Variants in DLG1 observed in about 807,000 individuals in gnomAD.
DLG1 encodes discs large MAGUK scaffold protein 1, also known as disks large homolog 1.
In DLG1, 42 loss-of-function variants were observed where a neutral mutation model predicts 123.4. The ratio of observed to expected loss-of-function variants is 0.34; its 90% CI spans 0.27 to 0.44. DLG1 has a LOEUF of 0.44. DLG1 is among the 20% of genes least tolerant of loss of function. The pLI, the probability that DLG1 is intolerant of heterozygous loss-of-function variation, is 1.00. For synonymous variants in DLG1, 317 were observed against 356.2 expected (o/e 0.89, Z 1.24); for missense variants, 942 against 1,082.6 (o/e 0.87, Z 1.82).
At chr3:197,197,138 T>C (rs1209273041) in intron 4 of DLG1, among the ~76,000 whole-genome samples, 1 of 152,230 alleles carries the variant, frequency 6.6e-6, no homozygotes. Context: ...GAGGTTCCAG[T>C]AGAATGACTG....
chr3:197,246,114 CAT>C (rs924110301), intron 4 of DLG1, among the ~76,000 whole-genome samples: 4 of 152,150 alleles, frequency 2.6e-5, no homozygotes, highest in African/African-American at 4.8e-5. Flanking sequence ...AAACAATTCA[CAT>C]GTTTGAGCGG....
At chr3:197,150,855 T>TA (rs745590027) in intron 5 of DLG1, among the ~76,000 whole-genome samples, 1 of 152,036 alleles carries the variant, frequency 6.6e-6, no homozygotes, top group Non-Finnish European at 1.5e-5. Context: ...GTTTCATGGT[T>TA]AAAAAATTAA....
At chr3:197,058,066 C>T (rs1436286328) in intron 23 of DLG1, among the ~76,000 whole-genome samples, 1 of 151,870 alleles carries the variant, frequency 6.6e-6, no homozygotes, top group Non-Finnish European at 1.5e-5. Flanking sequence ...GCAACCTCTG[C>T]TCCCTGTGCT....
intron 18 of DLG1, chr3:197,070,564 C>CTTTTTTTTTTTTTTTTT (rs1491200833): frequency 5.1e-4 from 23 of 44,884 alleles, no homozygotes; most frequent in Non-Finnish European, 7.3e-4. Context: ...CTGGAAATTT[C>CTTTTTTTTTTTTTTTTT]ATTTTTTTTT....
At chr3:197,047,684 C>CTAGT (rs747533980) in intron 24 of DLG1, among the ~76,000 whole-genome samples, 8 of 151,712 alleles carry the variant, frequency 5.3e-5, no homozygotes, top group Non-Finnish European at 8.8e-5. Context: ...TAGGGAAAGG[C>CTAGT]TAGTGTCTTA....
At chr3:197,232,106 T>C (rs1743462691) in intron 4 of DLG1, among the ~76,000 whole-genome samples, 1 of 152,190 alleles carries the variant, frequency 6.6e-6, no homozygotes, top group Non-Finnish European at 1.5e-5. Flanking sequence ...AAAGGAAACC[T>C]GGTATAATCT....
chr3:197,258,296 A>C (rs1339160816), intron 4 of DLG1, among the ~76,000 whole-genome samples: 1 of 152,230 alleles, frequency 6.6e-6, no homozygotes, highest in Non-Finnish European at 1.5e-5. Context: ...AATGGCATTA[A>C]TACTACTGTA....
At chr3:197,151,835 G>C (rs1577133733) in intron 5 of DLG1, among the ~76,000 whole-genome samples, 1 of 89,688 alleles carries the variant, frequency 1.1e-5, no homozygotes, top group Non-Finnish European at 2.8e-5. Context: ...TTGAAACCAG[G>C]AGTTCAAAAC....
chr3:197,295,259 T>C (rs910634587), intron 3 of DLG1, among the ~76,000 whole-genome samples: 30 of 152,156 alleles, frequency 2.0e-4, no homozygotes, highest in African/African-American at 6.8e-4. Context: ...AAGTGGTCTT[T>C]ACAAAAATCT....
intron 4 of DLG1, among the ~76,000 whole-genome samples, chr3:197,247,850 T>G (rs1463203724): frequency 6.6e-6 from 1 of 152,110 alleles, no homozygotes; most frequent in Non-Finnish European, 1.5e-5. Flanking sequence ...TATTAGAGGT[T>G]TCTTGCCTTC....
chr3:197,183,911 C>G, intron 5 of DLG1: 1 of 1,452,688 alleles, frequency 6.9e-7, no homozygotes, highest in Non-Finnish European at 9.1e-7. Flanking sequence ...AGCAGCATCA[C>G]TTGTAGATCA....
intron 4 of DLG1, among the ~76,000 whole-genome samples, chr3:197,218,123 C>T (rs935385051): frequency 6.6e-6 from 1 of 152,066 alleles, no homozygotes; most frequent in African/African-American, 2.4e-5. Context: ...GAATGATGAA[C>T]AATCTTCTAG....
At chr3:197,230,469 A>C (rs550272193) in intron 4 of DLG1, among the ~76,000 whole-genome samples, 2 of 152,272 alleles carry the variant, frequency 1.3e-5, no homozygotes, top group South Asian at 2.1e-4. Context: ...TTAGTCATGA[A>C]ATTTTTTCAT....
intron 4 of DLG1, among the ~76,000 whole-genome samples, chr3:197,246,563 T>C (rs527906886): frequency 6.6e-6 from 1 of 152,334 alleles, no homozygotes; most frequent in East Asian, 1.9e-4. Flanking sequence ...GTAGCTGTAA[T>C]AGACTGAATA....
At chr3:197,253,975 C>A (rs79901229) in intron 4 of DLG1, among the ~76,000 whole-genome samples, 1 of 151,068 alleles carries the variant, frequency 6.6e-6, no homozygotes, top group Non-Finnish European at 1.5e-5. Context: ...AGAATCTAAA[C>A]CCCAAAGAAA....
intron 4 of DLG1, among the ~76,000 whole-genome samples, chr3:197,229,294 A>G (rs1018997173): frequency 6.6e-6 from 1 of 151,984 alleles, no homozygotes; most frequent in Non-Finnish European, 1.5e-5. Flanking sequence ...GAAGTTCGAG[A>G]CCAGCCTAGT....
intron 4 of DLG1, among the ~76,000 whole-genome samples, chr3:197,198,059 A>C (rs1011715080): frequency 6.6e-6 from 1 of 152,234 alleles, no homozygotes; most frequent in African/African-American, 2.4e-5. Flanking sequence ...GGATTAGGAA[A>C]TCGTATCTTG....
intron 3 of DLG1, among the ~76,000 whole-genome samples, chr3:197,288,152 T>C (rs1056853298): frequency 3.3e-5 from 5 of 149,746 alleles, no homozygotes; most frequent in Admixed American, 6.7e-5. Flanking sequence ...GATCAGGAGG[T>C]CAAGAGATCG....
intron 17 of DLG1, among the ~76,000 whole-genome samples, chr3:197,077,777 T>C (rs1748246025): frequency 1.3e-5 from 2 of 152,198 alleles, no homozygotes; most frequent in Admixed American, 1.3e-4. Flanking sequence ...ATAGCTTCTT[T>C]TGTCATTTCT....
Sources: allele counts gnomAD v4.1 joint callset (sites outside exome capture counted in the v4.1 genomes callset), GRCh38; gene constraint gnomAD v4.1.1; transcripts MANE v1.5; gene names NCBI Gene and HGNC (gene_info 2026-07-23, HGNC 2026-07-21).